Variants in MTHFD2L observed in about 807,000 individuals in gnomAD.
MTHFD2L encodes bifunctional methylenetetrahydrofolate dehydrogenase/cyclohydrolase 2, mitochondrial.
A neutral mutation model predicts 34.9 loss-of-function variants in MTHFD2L; 29 were observed. The observed-to-expected ratio is 0.83, with a 90% confidence interval of 0.62 to 1.13. MTHFD2L has a LOEUF of 1.13. MTHFD2L is among the 50% of genes most tolerant of loss of function. The pLI is 0.00. For missense variants in MTHFD2L, 481 were observed against 446.5 expected, an observed-to-expected ratio of 1.08 and a Z score of -0.70; for synonymous variants, 167 against 155.7, an observed-to-expected ratio of 1.07 and a Z score of -0.54.
chr4:74,147,516 T>C (rs1250536112), intron 1 of MTHFD2L, among the ~76,000 whole-genome samples: 1 of 152,188 alleles, frequency 6.6e-6, no homozygotes, highest in African/African-American at 2.4e-5. Context: ...TCCCCTTTTG[T>C]CTTTGGCTGT....
intron 5 of MTHFD2L, among the ~76,000 whole-genome samples, chr4:74,206,949 A>G (rs1161324585): frequency 1.3e-5 from 2 of 152,054 alleles, no homozygotes; most frequent in Admixed American, 6.6e-5. Flanking sequence ...CACCCAGACT[A>G]GAGTTCAGTG....
At chr4:74,143,485 A>AG in intron 1 of MTHFD2L, 1 of 974,866 alleles carries the variant, frequency 1.0e-6, no homozygotes, top group Non-Finnish European at 1.2e-6. Flanking sequence ...GAACTGTCTC[A>AG]GGGGCCATGG....
chr4:74,280,482 A>G (rs1198335153), intron 6 of MTHFD2L: 2 of 152,036 alleles, frequency 1.3e-5, no homozygotes, highest in Non-Finnish European at 2.9e-5. Context: ...TCTTTAGATG[A>G]CTCTAGCTTC....
chr4:74,193,685 A>G (rs1220491029), intron 3 of MTHFD2L, among the ~76,000 whole-genome samples: 1 of 152,172 alleles, frequency 6.6e-6, no homozygotes, highest in East Asian at 1.9e-4. Context: ...TTTGTCAGCT[A>G]TTGTAAAGAG....
At chr4:74,154,811 G>T (rs1724145147), upstream of MTHFD2L, among the ~76,000 whole-genome samples, 2 of 152,058 alleles carry the variant, frequency 1.3e-5, no homozygotes, top group Non-Finnish European at 2.9e-5. Flanking sequence ...GTTGTTTTAG[G>T]CATTCTCAGC....
At chr4:74,165,875 G>A (rs929956427) in intron 1 of MTHFD2L, among the ~76,000 whole-genome samples, 5 of 152,198 alleles carry the variant, frequency 3.3e-5, no homozygotes, top group Admixed American at 6.5e-5. Context: ...CTATGTTGGT[G>A]TATCTTTTCA....
intron 6 of MTHFD2L, among the ~76,000 whole-genome samples, chr4:74,235,801 G>A (rs182755318): frequency 1.1e-3 from 172 of 152,124 alleles, no homozygotes; most frequent in African/African-American, 4.0e-3. Context: ...AAAAAAACTG[G>A]TATTTTTATG....
chr4:74,117,713 C>T (rs1721679028), intron 2 of MTHFD2L, among the ~76,000 whole-genome samples: 1 of 152,216 alleles, frequency 6.6e-6, no homozygotes, highest in Admixed American at 6.5e-5. Flanking sequence ...GCTGCTTCCG[C>T]AGCAGGCCCA....
chr4:74,168,789 G>A (rs1020571415), intron 1 of MTHFD2L, among the ~76,000 whole-genome samples: 6 of 152,208 alleles, frequency 3.9e-5, no homozygotes, highest in Admixed American at 6.5e-5. Context: ...ATCAAGACAA[G>A]CCGGAGAGAA....
intron 1 of MTHFD2L, among the ~76,000 whole-genome samples, chr4:74,152,708 T>C (rs1343992354): frequency 6.6e-6 from 1 of 152,164 alleles, no homozygotes; most frequent in Admixed American, 6.5e-5. Context: ...CAGTGTGTGA[T>C]GTTCCCCTCC....
intron 3 of MTHFD2L, among the ~76,000 whole-genome samples, chr4:74,186,920 C>A (rs541446944): frequency 6.6e-6 from 1 of 152,048 alleles, no homozygotes; most frequent in South Asian, 2.1e-4. Context: ...TATAAAGCTA[C>A]AGTAAGCAAA....
chr4:74,227,436 A>G (rs1428777607), intron 6 of MTHFD2L, among the ~76,000 whole-genome samples: 1 of 150,858 alleles, frequency 6.6e-6, no homozygotes, highest in Non-Finnish European at 1.5e-5. Context: ...TCTGTTTCCC[A>G]TGGAGATACC....
At chr4:74,301,063 T>C (rs1248982467) in intron 7 of MTHFD2L, among the ~76,000 whole-genome samples, 2 of 152,100 alleles carry the variant, frequency 1.3e-5, no homozygotes, top group African/African-American at 4.8e-5. Flanking sequence ...ATTTGAAGTA[T>C]AGTTCCCACT....
intron 3 of MTHFD2L, chr4:74,194,348 G>A (rs534719995): frequency 6.6e-6 from 1 of 152,064 alleles, no homozygotes; most frequent in Non-Finnish European, 1.5e-5. Flanking sequence ...CTGTCCTGTG[G>A]CTAGAAAAGC....
At chr4:74,298,330 T>A (rs570671837) in intron 7 of MTHFD2L, among the ~76,000 whole-genome samples, 3 of 152,056 alleles carry the variant, frequency 2.0e-5, no homozygotes, top group Non-Finnish European at 4.4e-5. Flanking sequence ...CTATTACCCC[T>A]TACATAGCCT....
intron 4 of MTHFD2L, among the ~76,000 whole-genome samples, chr4:74,200,341 A>G (rs143870961): frequency 0.01 from 1,544 of 152,102 alleles, 30 homozygotes; most frequent in African/African-American, 0.035. Context: ...CAAAACAAAC[A>G]GAAAAAAAAA....
At chr4:74,156,389 T>C (rs1029024937), upstream of MTHFD2L, 2 of 152,226 alleles carry the variant, frequency 1.3e-5, no homozygotes, top group Admixed American at 6.5e-5. Flanking sequence ...TTAAGATTCA[T>C]CTACGTCTTT....
chr4:74,145,916 AAGCTGCT>A (rs2109845236), intron 1 of MTHFD2L, among the ~76,000 whole-genome samples: 1 of 152,250 alleles, frequency 6.6e-6, no homozygotes, highest in South Asian at 2.1e-4. Flanking sequence ...CGAGAAGTCG[AAGCTGCT>A]ATGCTCCCTA....
intron 3 of MTHFD2L, chr4:74,194,260 C>G (rs1194638514): frequency 1.3e-5 from 2 of 152,176 alleles, no homozygotes; most frequent in African/African-American, 4.8e-5. Flanking sequence ...CTTCAATTTT[C>G]AACTACGGTG....
Sources: gnomAD v4.1 joint callset for allele counts (sites outside exome capture counted in the v4.1 genomes callset) on GRCh38, gnomAD v4.1.1 for gene constraint, MANE v1.5 for transcripts, NCBI Gene and HGNC (gene_info 2026-07-23, HGNC 2026-07-21) for gene names.